Variants in WWOX observed in about 807,000 individuals in gnomAD.
WWOX encodes the protein WW domain-containing oxidoreductase.
Under a neutral mutation model 46.2 loss-of-function variants are expected in WWOX, and 69 were observed. The observed-to-expected ratio is 1.49, with a 90% CI of 1.23 to 1.82. The LOEUF (loss-of-function observed/expected upper bound fraction) is 1.82, where lower values mean the gene tolerates loss of function less well. WWOX is among the 40% of genes most tolerant of loss of function. The probability of loss-of-function intolerance (pLI) is 0.00; values close to 1 mark genes in which losing one functional copy is unlikely to be tolerated. For synonymous variants in WWOX, 359 were observed against 202.6 expected (o/e 1.77, Z -6.56); for missense variants, 919 against 542.6 (o/e 1.69, Z -6.89).
intron 8 of WWOX, among the ~76,000 whole-genome samples, chr16:78,480,273 G>A (rs940377596): frequency 6.6e-6 from 1 of 152,196 alleles, no homozygotes; most frequent in African/African-American, 2.4e-5. Flanking sequence ...TACCATAGTA[G>A]AATGCTCTTT....
intron 8 of WWOX, among the ~76,000 whole-genome samples, chr16:79,010,948 C>G (rs1216353787): frequency 6.6e-6 from 1 of 151,872 alleles, no homozygotes; most frequent in Non-Finnish European, 1.5e-5. Context: ...TTGGTTTCTA[C>G]TTGGAGAGAA....
intron 8 of WWOX, among the ~76,000 whole-genome samples, chr16:79,193,828 A>T (rs1203724161): frequency 6.6e-6 from 1 of 152,104 alleles, no homozygotes; most frequent in Non-Finnish European, 1.5e-5. Flanking sequence ...GACAGACAAG[A>T]TTGTGGTTTA....
intron 8 of WWOX, among the ~76,000 whole-genome samples, chr16:78,769,677 T>C (rs1342680688): frequency 6.6e-6 from 1 of 151,356 alleles, no homozygotes; most frequent in African/African-American, 2.4e-5. Context: ...TTAAGAATTA[T>C]TAGCTACAAC....
chr16:79,063,246 C>T (rs567363846), intron 8 of WWOX, among the ~76,000 whole-genome samples: 12 of 152,230 alleles, frequency 7.9e-5, no homozygotes, highest in African/African-American at 2.9e-4. Flanking sequence ...AAGCAACATT[C>T]GTGTTTTAGA....
chr16:78,551,646 C>A (rs1453751297), intron 8 of WWOX: 2 of 149,368 alleles, frequency 1.3e-5, no homozygotes, highest in East Asian at 3.9e-4. Context: ...ATGCCACTGC[C>A]CCCGCCCCAC....
chr16:78,943,236 C>G (rs1394615932), intron 8 of WWOX, among the ~76,000 whole-genome samples: 3 of 151,430 alleles, frequency 2.0e-5, no homozygotes, highest in Non-Finnish European at 2.9e-5. Context: ...TCTGTTTAAT[C>G]TTAAAAAAGA....
At chr16:78,460,651 T>A (rs1394275856) in intron 8 of WWOX, among the ~76,000 whole-genome samples, 1 of 152,214 alleles carries the variant, frequency 6.6e-6, no homozygotes. Context: ...GTGGCAGACG[T>A]GTCCAATGAC....
chr16:78,272,571 C>G (rs1472326278), intron 5 of WWOX, among the ~76,000 whole-genome samples: 2 of 152,146 alleles, frequency 1.3e-5, no homozygotes, highest in Non-Finnish European at 2.9e-5. Context: ...GAATTTGCAG[C>G]CATCTTTATT....
intron 6 of WWOX, among the ~76,000 whole-genome samples, chr16:78,400,144 A>C (rs1235368082): frequency 6.6e-6 from 1 of 152,198 alleles, no homozygotes; most frequent in Admixed American, 6.5e-5. Flanking sequence ...TTTAAGCTTA[A>C]ACTCCTGTTA....
At chr16:79,056,982 T>C (rs1342851564) in intron 8 of WWOX, among the ~76,000 whole-genome samples, 1 of 152,188 alleles carries the variant, frequency 6.6e-6, no homozygotes, top group Non-Finnish European at 1.5e-5. Context: ...CTTTTGAAAA[T>C]GTCATTGGCA....
chr16:78,505,201 C>G (rs1028682575), intron 8 of WWOX, among the ~76,000 whole-genome samples: 1 of 152,132 alleles, frequency 6.6e-6, no homozygotes, highest in Non-Finnish European at 1.5e-5. Context: ...GTGGCCCATC[C>G]CAAATGAATT....
chr16:78,755,126 T>C (rs1236153794), intron 8 of WWOX, among the ~76,000 whole-genome samples: 3 of 151,646 alleles, frequency 2.0e-5, no homozygotes, highest in East Asian at 3.9e-4. Flanking sequence ...GATGACGGGT[T>C]GATAGGTGCA....
At chr16:78,416,071 C>T (rs1172986950) in intron 6 of WWOX, among the ~76,000 whole-genome samples, 1 of 152,144 alleles carries the variant, frequency 6.6e-6, no homozygotes, top group East Asian at 1.9e-4. Flanking sequence ...CTTTTCTGCC[C>T]TTAATCACCT....
chr16:78,137,382 C>G (rs1214473347), intron 4 of WWOX, among the ~76,000 whole-genome samples: 1 of 152,146 alleles, frequency 6.6e-6, no homozygotes, highest in Non-Finnish European at 1.5e-5. Flanking sequence ...TCTCAGTTTC[C>G]TCATCTGTAA....
chr16:78,365,513 A>G (rs902706644), intron 5 of WWOX, among the ~76,000 whole-genome samples: 1 of 152,304 alleles, frequency 6.6e-6, no homozygotes, highest in Non-Finnish European at 1.5e-5. Context: ...AATAATGACA[A>G]AAAGATTCAG....
intron 8 of WWOX, among the ~76,000 whole-genome samples, chr16:79,184,345 G>A (rs778961714): frequency 3.3e-5 from 5 of 152,160 alleles, no homozygotes; most frequent in African/African-American, 4.8e-5. Context: ...CCATCACTGT[G>A]ACAGACAGTG....
intron 8 of WWOX, among the ~76,000 whole-genome samples, chr16:78,926,034 C>T (rs1202822095): frequency 1.3e-5 from 2 of 152,154 alleles, no homozygotes; most frequent in African/African-American, 4.8e-5. Context: ...ATGAACAATT[C>T]TGGAGACAGA....
chr16:78,473,204 A>G (rs1000236816), intron 8 of WWOX, among the ~76,000 whole-genome samples: 3 of 152,168 alleles, frequency 2.0e-5, no homozygotes, highest in African/African-American at 7.2e-5. Flanking sequence ...TTCTCTGCTC[A>G]CTGCGGCCTG....
At chr16:79,069,736 C>G (rs1192339823) in intron 8 of WWOX, among the ~76,000 whole-genome samples, 2 of 151,940 alleles carry the variant, frequency 1.3e-5, no homozygotes, top group African/African-American at 4.8e-5. Flanking sequence ...CCATAGATGG[C>G]CAATGTCTGT....
Sources: gnomAD v4.1 joint callset for allele counts (sites outside exome capture counted in the v4.1 genomes callset) on GRCh38, gnomAD v4.1.1 for gene constraint, MANE v1.5 for transcripts, NCBI Gene and HGNC (gene_info 2026-07-23, HGNC 2026-07-21) for gene names.